TRANK1: variants seen among roughly 807,000 people sequenced by gnomAD.
TRANK1 encodes the protein tetratricopeptide repeat and ankyrin repeat containing 1.
TRANK1 carries 198 observed loss-of-function variants against 266.0 expected under a neutral mutation model. The observed-to-expected ratio is 0.74, with a 90% CI of 0.66 to 0.84. The LOEUF (loss-of-function observed/expected upper bound fraction) is 0.84. Among genes scored for constraint, TRANK1 ranks in the 40% least tolerant of loss-of-function variants. TRANK1 has a pLI of 0.00. For missense variants in TRANK1, 3,326 were observed against 3,634.6 expected, an observed-to-expected ratio of 0.92 and a Z score of 2.18; for synonymous variants, 1,396 against 1,384.1, an observed-to-expected ratio of 1.01 and a Z score of -0.19.
chr3:36,833,162 T>C lies in TRANK1; in HGVS notation c.6421A>G (p.Ile2141Val), dbSNP rs112203719. The C allele has an allele frequency of 2.8e-5, 45 of 1,613,700 alleles. No homozygotes were observed. The highest frequency in any genetic ancestry group is 2.3e-4 in the Admixed American group (14 of 59,984). The change falls in exon 22 of 24, where the codon ATT becomes GTT. Residue 2141 changes from isoleucine to valine, a missense_variant. Coordinates refer to ENST00000645898, the MANE Select transcript of TRANK1 (RefSeq NM_001329998.2). ...CTCAAGTTCAAATCCAGGTCAAAAA[T>C]TATTCTTAATATGGGCCCAGGGTCA... is the stretch of plus-strand genomic sequence containing the variant. ...QNDPGPILRI[I>V]FDLDLNLREK...
intron 20 of TRANK1, among the ~76,000 whole-genome samples, chr3:36,835,928 T>C (rs558127819): frequency 6.6e-6 from 1 of 152,280 alleles, no homozygotes; most frequent in East Asian, 1.9e-4. Flanking sequence ...AAAAAGACTT[T>C]CCTCGAGACA....
chr3:36,932,672 A>C (rs1249810410), intron 1 of TRANK1, among the ~76,000 whole-genome samples: 1 of 152,272 alleles, frequency 6.6e-6, no homozygotes, highest in Non-Finnish European at 1.5e-5. Context: ...AGAGCAACTT[A>C]GAGAACGAGT....
chr3:36,895,725 C>A lies in TRANK1; in HGVS notation c.467G>T (p.Cys156Phe). ...DSIVLQSFLP[C>F]FDHIFTTGFP... ...TCCAGTTGTGAAAATATGATCAAAG[C>A]AAGGCAAGAAACTTTGCAAAACAAT... The change falls in exon 5 of 24, where the codon TGC becomes TTC. Residue 156 changes from cysteine to phenylalanine, a missense_variant. By Grantham distance (205) the Cys-to-Phe change is radical. Coordinates refer to ENST00000645898, the MANE Select transcript of TRANK1 (RefSeq NM_001329998.2). 1.3e-6 allele frequency: 2 copies of A among 1,535,478 alleles called. No homozygotes were observed. The highest frequency in any genetic ancestry group is 1.7e-6 in the Non-Finnish European group (2 of 1,146,458).
chr3:36,923,048 G>T (rs1433029381), intron 1 of TRANK1, among the ~76,000 whole-genome samples: 1 of 152,084 alleles, frequency 6.6e-6, no homozygotes, highest in Non-Finnish European at 1.5e-5. Context: ...CCAGACACCT[G>T]CAAGTTAGCT....
chr3:36,943,484 C>G (rs2080526016), intron 1 of TRANK1, among the ~76,000 whole-genome samples: 1 of 126,084 alleles, frequency 7.9e-6, no homozygotes, highest in South Asian at 3.3e-4. Flanking sequence ...CTACCCACCC[C>G]CCCACCCCCC....
chr3:36,903,778 AAGCGC>A (rs2079919782), intron 2 of TRANK1, among the ~76,000 whole-genome samples: 1 of 152,230 alleles, frequency 6.6e-6, no homozygotes, highest in South Asian at 2.1e-4. Context: ...GGGCCCTTTA[AAGCGC>A]AGCAGGGCAG....
intron 3 of TRANK1, among the ~76,000 whole-genome samples, chr3:36,901,962 A>G (rs1187581632): frequency 6.6e-6 from 1 of 152,338 alleles, no homozygotes; most frequent in East Asian, 1.9e-4. Context: ...ACCTTTGGGA[A>G]GAAATTTCCC....
intron 20 of TRANK1, among the ~76,000 whole-genome samples, chr3:36,835,142 ACC>A (rs1054388896): frequency 6.6e-6 from 1 of 150,726 alleles, no homozygotes; most frequent in African/African-American, 2.4e-5. Context: ...AAACGGTGAA[ACC>A]CCGTCTCTAC....
At position 36,855,863 on chromosome 3, in the gene TRANK1, T is replaced by A. The variant is rs371084935; in HGVS notation, c.3859A>T (p.Ser1287Cys). Residue 1287 changes from serine (S) to cysteine (C), a missense_variant, in exon 13 of 24, where the codon AGT (serine) becomes TGT (cysteine). Physicochemically the swap from Ser to Cys is moderately radical, Grantham distance 112. Transcript: ENST00000645898. ...WSAQEESTIP[S>C]WQEDEEEAEV... ...GCCTCCTCTTCATCCTCTTGCCAAC[T>A]AGGAATGGTTGACTCTTCCTGTGCA... 1 of 1,613,552 alleles carries A rather than the reference T, an allele frequency of 6.2e-7. No homozygotes were observed. Among genetic ancestry groups the A allele is most frequent in the African/African-American group, 1.3e-5 (1 of 74,814 alleles).
rs1000260444 is a variant in TRANK1, at chr3:36,827,041, G to A, written c.*1234C>T. 3 of 150,794 alleles carry A rather than the reference G, an allele frequency of 2.0e-5. No homozygotes were observed. Among genetic ancestry groups the A allele is most frequent in the African/African-American group, 7.3e-5 (3 of 41,138 alleles). The allele number at this position is 150,794 out of a possible 1,614,324, so 9.3% of individuals were successfully genotyped here. On this transcript the variant is annotated 3_prime_UTR_variant, in exon 24 of 24. Coordinates refer to ENST00000645898, the MANE Select transcript of TRANK1 (RefSeq NM_001329998.2). ...AGCAAAAGCAGCAGCAACATGGGGG[G>A]AAAGCTGGCTCTGCTGTGAGGACAG...
intron 1 of TRANK1, among the ~76,000 whole-genome samples, chr3:36,940,768 C>T (rs557488157): frequency 6.6e-6 from 1 of 152,304 alleles, no homozygotes; most frequent in Admixed American, 6.5e-5. Context: ...TTTACATCCT[C>T]CATACCCAAT....
At chr3:36,912,974 G>A (rs559901411) in intron 1 of TRANK1, among the ~76,000 whole-genome samples, 5 of 151,796 alleles carry the variant, frequency 3.3e-5, no homozygotes, top group South Asian at 2.1e-4. Context: ...AGATTAACTC[G>A]GGAATGCTGG....
At chr3:36,829,433 T>C (rs2078666482) in intron 23 of TRANK1, 131 bp downstream of exon 23, 1 of 759,468 alleles carries the variant, frequency 1.3e-6, no homozygotes, top group African/African-American at 1.7e-5. Context: ...CTGGAGGTGA[T>C]GCTCCTAGAC....
upstream of TRANK1, among the ~76,000 whole-genome samples, chr3:36,945,296 G>A (rs2080558043): frequency 6.6e-6 from 1 of 152,132 alleles, no homozygotes; most frequent in Non-Finnish European, 1.5e-5. Context: ...TTCCTTAGTG[G>A]GGCCCATCAA....
At chr3:36,889,287 G>A (rs1471532369) in intron 8 of TRANK1, among the ~76,000 whole-genome samples, 2 of 152,198 alleles carry the variant, frequency 1.3e-5, no homozygotes, top group Non-Finnish European at 2.9e-5. Context: ...CTGAGAGAGT[G>A]AACACAGCCT....
chr3:36,858,104 G>A, intron 12 of TRANK1, 55 bp from the exon 13 acceptor site: 1 of 1,380,430 alleles, frequency 7.2e-7, no homozygotes, highest in Non-Finnish European at 9.6e-7. Flanking sequence ...TTAGGGGACA[G>A]CAGACCCTGG....
intron 1 of TRANK1, among the ~76,000 whole-genome samples, chr3:36,921,300 C>T (rs576659827): frequency 1.3e-5 from 2 of 152,284 alleles, no homozygotes; most frequent in South Asian, 4.1e-4. Context: ...AATAAGAATC[C>T]CTTCCCCTCC....
intron 2 of TRANK1, among the ~76,000 whole-genome samples, chr3:36,907,342 G>A (rs2079984644): frequency 6.6e-6 from 1 of 151,726 alleles, no homozygotes; most frequent in South Asian, 2.1e-4. Flanking sequence ...TAGAGATGGG[G>A]TTTCACCATG....
intron 1 of TRANK1, 128 bp from the exon 2 acceptor site, chr3:36,908,582 T>A: frequency 8.1e-7 from 1 of 1,230,866 alleles, no homozygotes; most frequent in Non-Finnish European, 1.0e-6. Context: ...AAAGGGCACA[T>A]CTTGGCAACA....
Sources: allele counts gnomAD v4.1 joint callset (sites outside exome capture counted in the v4.1 genomes callset), GRCh38; gene constraint gnomAD v4.1.1; transcripts MANE v1.5; gene names NCBI Gene and HGNC (gene_info 2026-07-23, HGNC 2026-07-21).